GMDS: variants seen among roughly 807,000 people sequenced by gnomAD.
The protein encoded by GMDS is GDP-mannose 4,6 dehydratase.
GMDS carries 20 observed loss-of-function variants against 49.9 expected under a neutral mutation model. The observed-to-expected ratio is 0.40, with a 90% CI of 0.28 to 0.58. GMDS has a LOEUF of 0.58. Among genes scored for constraint, GMDS ranks in the 20% least tolerant of loss-of-function variants. GMDS has a pLI of 0.42. For synonymous variants in GMDS, 177 were observed against 178.6 expected, an observed-to-expected ratio of 0.99 and a Z score of 0.07; for missense variants, 362 against 481.4, an observed-to-expected ratio of 0.75 and a Z score of 2.32.
intron 7 of GMDS, among the ~76,000 whole-genome samples, chr6:1,754,823 C>T (rs1767878511): frequency 6.6e-6 from 1 of 152,176 alleles, no homozygotes; most frequent in South Asian, 2.1e-4. Context: ...CGATAAAAAT[C>T]AACACCCCTT....
chr6:1,763,271 A>C (rs1046309522), intron 7 of GMDS, among the ~76,000 whole-genome samples: 3 of 152,218 alleles, frequency 2.0e-5, no homozygotes, highest in East Asian at 1.9e-4. Flanking sequence ...TCTAATGTGC[A>C]TCTTCTTAAC....
chr6:1,960,243 TTCTC>T (rs955537128), intron 5 of GMDS, among the ~76,000 whole-genome samples: 158 of 152,270 alleles, frequency 1.0e-3, no homozygotes, highest in African/African-American at 3.7e-3. Flanking sequence ...TTCTCTCTCA[TTCTC>T]TCTCTCTAAC....
intron 7 of GMDS, among the ~76,000 whole-genome samples, chr6:1,804,379 A>T (rs1770082002): frequency 6.6e-6 from 1 of 152,242 alleles, no homozygotes; most frequent in Non-Finnish European, 1.5e-5. Context: ...GCAGATGCCC[A>T]TGTGGCGCAC....
rs763948827 is a variant in GMDS, at chr6:1,873,648, T to C, written c.771+56455A>G. 3.9e-5 allele frequency among the ~76,000 whole-genome samples: 6 copies of C among 152,220 alleles called. 1 individual carries two copies. The South Asian group carries it at 1.2e-3, about 32-fold the overall frequency. ...AGACAGGAAAATGAAGATTTTGCTA[T>C]GTAAAAAGCTGAGACCCAAATACCA... On this transcript the variant is annotated intron_variant, in intron 7 of 10. Coordinates refer to ENST00000380815, the MANE Select transcript of GMDS (RefSeq NM_001500.4).
chr6:1,941,587 G>A lies in GMDS; in HGVS notation c.644-11357C>T, dbSNP rs116465740. 9.7e-3 allele frequency among the ~76,000 whole-genome samples: 1,476 copies of A among 152,268 alleles called. 22 individuals carry two copies. Among genetic ancestry groups the A allele is most frequent in the African/African-American group, 0.034 (1,410 of 41,550 alleles). ...CAAGAAAGAATGGGGGTGAGATTTCGTAGACAAGGAGCACAAACAGCTTCT... is the reference window on the plus strand; with the variant it reads ...CAAGAAAGAATGGGGGTGAGATTTCATAGACAAGGAGCACAAACAGCTTCT... On this transcript the variant is annotated intron_variant, in intron 6 of 10. Transcript: ENST00000380815.
chr6:1,657,556 A>G (rs1763923205), intron 9 of GMDS, among the ~76,000 whole-genome samples: 1 of 152,200 alleles, frequency 6.6e-6, no homozygotes, highest in Non-Finnish European at 1.5e-5. Context: ...CAGGACACTG[A>G]TACCCTCCAT....
chr6:1,819,776 A>AAAATAT (rs1446275838), intron 7 of GMDS, among the ~76,000 whole-genome samples: 5 of 103,544 alleles, frequency 4.8e-5, no homozygotes, highest in East Asian at 2.7e-4. Context: ...AAAAAAAAAA[A>AAAATAT]ATATATATAT....
At chr6:1,966,549 C>T (rs1402939070) in intron 4 of GMDS, among the ~76,000 whole-genome samples, 1 of 152,148 alleles carries the variant, frequency 6.6e-6, no homozygotes, top group Non-Finnish European at 1.5e-5. Flanking sequence ...CCCTGCACCC[C>T]GACTCTAGCC....
At chr6:1,934,916 T>C (rs767548311) in intron 6 of GMDS, among the ~76,000 whole-genome samples, 16 of 152,250 alleles carry the variant, frequency 1.1e-4, no homozygotes, top group East Asian at 1.9e-4. Context: ...TCAGGACAAG[T>C]AGCCGAGCCG....
chr6:1,841,812 C>T (rs772441791), intron 7 of GMDS, among the ~76,000 whole-genome samples: 13 of 152,176 alleles, frequency 8.5e-5, no homozygotes, highest in Non-Finnish European at 1.5e-4. Context: ...CTGGAGGACA[C>T]GTGACTTGTT....
intron 7 of GMDS, among the ~76,000 whole-genome samples, chr6:1,890,139 C>T (rs897615897): frequency 6.6e-6 from 1 of 152,026 alleles, no homozygotes; most frequent in Admixed American, 6.6e-5. Context: ...TTCTTGAACA[C>T]CGAGAAACTG....
chr6:1,951,692 G>A (rs1015173053), intron 6 of GMDS, among the ~76,000 whole-genome samples: 4 of 151,960 alleles, frequency 2.6e-5, no homozygotes, highest in Non-Finnish European at 2.9e-5. Context: ...CACCATGCCC[G>A]GCCTGATTTT....
chr6:2,234,789 C>CA (rs1392490153), intron 1 of GMDS, among the ~76,000 whole-genome samples: 1 of 151,654 alleles, frequency 6.6e-6, no homozygotes, highest in African/African-American at 2.4e-5. Context: ...AATTTTAAAG[C>CA]AAAAAAAGAG....
intron 7 of GMDS, among the ~76,000 whole-genome samples, chr6:1,821,186 A>G (rs989005241): frequency 2.0e-5 from 3 of 152,208 alleles, no homozygotes; most frequent in African/African-American, 7.2e-5. Flanking sequence ...TGCTCAAGAA[A>G]CACAGATATT....
intron 7 of GMDS, among the ~76,000 whole-genome samples, chr6:1,912,637 T>C (rs1200340686): frequency 6.6e-6 from 1 of 152,146 alleles, no homozygotes; most frequent in African/African-American, 2.4e-5. Flanking sequence ...CTTGTGGATC[T>C]CAACTACCCG....
chr6:1,695,108 G>A (rs916217381), intron 9 of GMDS, among the ~76,000 whole-genome samples: 2 of 152,176 alleles, frequency 1.3e-5, no homozygotes, highest in Admixed American at 6.5e-5. Context: ...GGATAAAAGT[G>A]TGAGGACGGT....
At chr6:1,749,574 C>T (rs563690347) in intron 7 of GMDS, among the ~76,000 whole-genome samples, 21 of 133,714 alleles carry the variant, frequency 1.6e-4, no homozygotes, top group South Asian at 5.5e-4. Flanking sequence ...GCATGGGTGA[C>T]AGAGACTTTA....
At chr6:1,723,276 T>C (rs1766450373) in intron 9 of GMDS, among the ~76,000 whole-genome samples, 1 of 151,816 alleles carries the variant, frequency 6.6e-6, no homozygotes, top group African/African-American at 2.4e-5. Context: ...AGGATATCAG[T>C]GTTCTGAGAC....
intron 7 of GMDS, among the ~76,000 whole-genome samples, chr6:1,783,029 A>C (rs226442): frequency 0.18 from 27,348 of 151,930 alleles, 3,130 homozygotes; most frequent in African/African-American, 0.32. Context: ...TTAGCATGCA[A>C]CTGTGGTCCC....
Sources: gnomAD v4.1 joint callset for allele counts (sites outside exome capture counted in the v4.1 genomes callset) on GRCh38, gnomAD v4.1.1 for gene constraint, MANE v1.5 for transcripts, NCBI Gene and HGNC (gene_info 2026-07-23, HGNC 2026-07-21) for gene names.